The following RASGRP3 variants were observed in gnomAD, a reference collection of about 807,000 sequenced individuals.
RASGRP3 encodes the protein ras guanyl-releasing protein 3.
In RASGRP3, 54 loss-of-function variants were observed where a neutral mutation model predicts 82.7. The observed-to-expected ratio is 0.65, with a 90% CI of 0.52 to 0.82. RASGRP3 has a LOEUF of 0.82. RASGRP3 is among the 40% of genes least tolerant of loss of function. The pLI, the probability that RASGRP3 is intolerant of heterozygous loss-of-function variation, is 0.00. For missense variants in RASGRP3, 861 were observed against 828.9 expected (o/e 1.04, Z -0.48); for synonymous variants, 309 against 300.5 (o/e 1.03, Z -0.29).
Position 33,444,009 on chromosome 2 carries a change from C to CAT in RASGRP3, c.-384-3809_-384-3808dup, listed in dbSNP as rs985280934. Among the ~76,000 whole-genome samples the CAT allele has an allele frequency of 2.4e-4, 36 of 152,236 alleles. 1 individual carries two copies. The East Asian group carries it at 3.7e-3, about 15-fold the overall frequency. On this transcript the variant is annotated intron_variant, in intron 1 of 18. Coordinates refer to the RASGRP3 transcript ENST00000402538. The stretch of plus-strand genomic sequence containing the variant: ...AAACAGATAAAATGAATTTTAATAT[C>CAT]ATAGTTTAAGGAGTGGGGGATAGTG...
At position 33,529,487 on chromosome 2, in the gene RASGRP3, C is replaced by CAAAAAA. The variant is rs56664748; in HGVS notation, c.1083+2083_1083+2088dup. Among the ~76,000 whole-genome samples, 35 of 57,044 alleles carry CAAAAAA rather than the reference C, an allele frequency of 6.1e-4. 3 individuals are homozygous for CAAAAAA. The highest frequency in any genetic ancestry group is 2.9e-3 in the African/African-American group (31 of 10,814). The allele number at this position is 57,044 out of a possible 152,430, so 37.4% of individuals were successfully genotyped here. On this transcript the variant is annotated intron_variant, in intron 10 of 17. Coordinates refer to ENST00000403687, the MANE Select transcript of RASGRP3 (RefSeq NM_001139488.2). Reference sequence around the variant, plus strand: ...TGGGCGACAGAGCGAGACTCCATCTCAAAAAAAAAAAAATTCAGGAGTACA... The same window carrying CAAAAAA: ...TGGGCGACAGAGCGAGACTCCATCTCAAAAAAAAAAAAAAAAAAATTCAGGAGTACA...
chr2:33,449,486 G>A (rs1665671479), intron 2 of RASGRP3, among the ~76,000 whole-genome samples: 1 of 152,160 alleles, frequency 6.6e-6, no homozygotes, highest in Non-Finnish European at 1.5e-5. Flanking sequence ...TTTAGGCCGG[G>A]CGCGGTGGCT....
At chr2:33,473,187 C>G (rs1338197105), upstream of RASGRP3, among the ~76,000 whole-genome samples, 1 of 151,980 alleles carries the variant, frequency 6.6e-6, no homozygotes. Context: ...ATGGTGAAAC[C>G]CCATGTTACT....
chr2:33,481,289 G>A (rs1214029386), intron 1 of RASGRP3: 2 of 152,228 alleles, frequency 1.3e-5, no homozygotes, highest in African/African-American at 2.4e-5. Flanking sequence ...AGCCTCCCGA[G>A]TAGCTGGGAC....
At chr2:33,476,751 C>T (rs1667407009) in intron 1 of RASGRP3, 44 bp downstream of exon 1, 1 of 84,400 alleles carries the variant, frequency 1.2e-5, no homozygotes, top group African/African-American at 6.0e-5. Flanking sequence ...CTCTTTCATT[C>T]CCTCTCCGTG....
Position 33,558,655 on chromosome 2 carries a change from C to A in RASGRP3, c.1706-17C>A. 6.4e-7 allele frequency: 1 copy of A among 1,567,942 alleles called. No individual in the cohort carries two copies. Among genetic ancestry groups the A allele is most frequent in the Non-Finnish European group, 8.7e-7 (1 of 1,156,006 alleles). ...GCAGTCAGATGTCAAATAATCACCA[C>A]CCTTTTTCACTTCCAGCGCAGGATG... On this transcript the variant is annotated splice_polypyrimidine_tract_variant and intron_variant, in intron 16 of 17. Coordinates refer to ENST00000403687, the MANE Select transcript of RASGRP3 (RefSeq NM_001139488.2).
chr2:33,558,668 C>G lies in RASGRP3; in HGVS notation c.1706-4C>G. 6.3e-7 allele frequency: 1 copy of G among 1,581,422 alleles called. No individual in the cohort carries two copies. The highest frequency in any genetic ancestry group is 8.6e-7 in the Non-Finnish European group (1 of 1,165,518). On this transcript the variant is annotated splice_region_variant and splice_polypyrimidine_tract_variant and intron_variant, in intron 16 of 17. Transcript: ENST00000403687. ...AAATAATCACCACCCTTTTTCACTT[C>G]CAGCGCAGGATGAGGTGTTTGAGTT...
chr2:33,438,092 A>T (rs1182605567), intron 1 of RASGRP3, among the ~76,000 whole-genome samples: 4 of 152,288 alleles, frequency 2.6e-5, no homozygotes. Flanking sequence ...TTTCAAAACA[A>T]CGTTCACATT....
intron 2 of RASGRP3, among the ~76,000 whole-genome samples, chr2:33,448,124 A>C (rs927832490): frequency 1.3e-5 from 2 of 152,182 alleles, no homozygotes. Flanking sequence ...ACCAGTCTTG[A>C]GTGAATTTGC....
At chr2:33,540,861 T>TA (rs70940208) in intron 12 of RASGRP3, among the ~76,000 whole-genome samples, 6,720 of 139,244 alleles carry the variant, frequency 0.048, 806 homozygotes, top group South Asian at 0.098. Context: ...ATACTGGAAT[T>TA]AAAAAAAAAA....
At chr2:33,476,757 C>CCGTGCGTG (rs201283626) in intron 1 of RASGRP3, 50 bp downstream of exon 1, 3 of 39,792 alleles carry the variant, frequency 7.5e-5, no homozygotes, top group South Asian at 1.3e-3. Flanking sequence ...CATTCCCTCT[C>CCGTGCGTG]CGTGTGTGTG....
At chr2:33,551,654 TAAAG>T (rs1473356176) in intron 14 of RASGRP3, among the ~76,000 whole-genome samples, 1 of 149,994 alleles carries the variant, frequency 6.7e-6, no homozygotes, top group African/African-American at 2.5e-5. Flanking sequence ...CTGGGCAATA[TAAAG>T]AGACACCTGC....
intron 2 of RASGRP3, among the ~76,000 whole-genome samples, chr2:33,467,553 A>G (rs1574263402): frequency 6.6e-6 from 1 of 152,260 alleles, no homozygotes; most frequent in Admixed American, 6.5e-5. Flanking sequence ...AGAATGTTGC[A>G]TACAAAGTCT....
rs115241353 is a variant in RASGRP3, at chr2:33,503,541, G to A, written c.-260-8169G>A. ...ATTAAGTGGAGCCTTCTAATTATGG[G>A]CCTCAAGCTGTGTAACTTTATTTGA... is the stretch of plus-strand genomic sequence containing the variant. On this transcript the variant is annotated intron_variant, in intron 1 of 17. Coordinates refer to ENST00000403687, the MANE Select transcript of RASGRP3 (RefSeq NM_001139488.2). Among the ~76,000 whole-genome samples the A allele has an allele frequency of 1.7e-3, 253 of 152,118 alleles. 1 individual carries two copies. Among genetic ancestry groups the A allele is most frequent in the African/African-American group, 5.8e-3 (242 of 41,486 alleles).
intron 1 of RASGRP3, among the ~76,000 whole-genome samples, chr2:33,437,870 T>C (rs973748979): frequency 4.6e-5 from 7 of 152,058 alleles, no homozygotes; most frequent in Non-Finnish European, 1.0e-4. Context: ...TGAATAAATA[T>C]GATAGATCTG....
At chr2:33,505,355 T>C (rs1328084624) in intron 1 of RASGRP3, among the ~76,000 whole-genome samples, 3 of 150,764 alleles carry the variant, frequency 2.0e-5, no homozygotes, top group African/African-American at 4.9e-5. Context: ...CAGGCTGGAG[T>C]GCAATGGCGC....
chr2:33,451,682 T>G (rs922075123), intron 2 of RASGRP3, among the ~76,000 whole-genome samples: 8 of 152,208 alleles, frequency 5.3e-5, no homozygotes, highest in Non-Finnish European at 1.5e-5. Context: ...AATTTGATTG[T>G]AATGTGTCTT....
intron 2 of RASGRP3, among the ~76,000 whole-genome samples, chr2:33,466,926 T>TG (rs1488038704): frequency 6.6e-6 from 1 of 152,154 alleles, no homozygotes; most frequent in African/African-American, 2.4e-5. Context: ...CCCTCTTTGC[T>TG]GCTCACTCGT....
At chr2:33,549,561 C>T (rs774371071) in intron 13 of RASGRP3, 43 bp from the exon 14 acceptor site, 1 of 1,572,672 alleles carries the variant, frequency 6.4e-7, no homozygotes, top group Admixed American at 1.8e-5. Context: ...ACTTAGCAAC[C>T]TGTTATTTAA....
Sources: allele counts gnomAD v4.1 joint callset (sites outside exome capture counted in the v4.1 genomes callset), GRCh38; gene constraint gnomAD v4.1.1; transcripts MANE v1.5; gene names NCBI Gene and HGNC (gene_info 2026-07-23, HGNC 2026-07-21).